The following CDK12 variants were observed in gnomAD, a reference collection of about 807,000 sequenced individuals.
CDK12 encodes cyclin-dependent kinase 12.
CDK12 carries 17 observed loss-of-function variants against 133.8 expected under a neutral mutation model. The observed-to-expected ratio is 0.13, with a 90% CI of 0.09 to 0.19. The LOEUF (loss-of-function observed/expected upper bound fraction) is 0.19, where lower values mean the gene tolerates loss of function less well. CDK12 is among the 10% of genes least tolerant of loss of function. The pLI, the probability that CDK12 is intolerant of heterozygous loss-of-function variation, is 1.00. For missense variants in CDK12, 1,508 were observed against 1,818.7 expected (o/e 0.83, Z 3.11); for synonymous variants, 694 against 683.6 (o/e 1.02, Z -0.24).
intron 1 of CDK12, among the ~76,000 whole-genome samples, chr17:39,463,818 A>T (rs1488620807): frequency 6.6e-6 from 1 of 151,894 alleles, no homozygotes; most frequent in Non-Finnish European, 1.5e-5. Flanking sequence ...CATAGTAATA[A>T]TGCCTTCTTT....
chr17:39,462,748 A>G lies in CDK12; in HGVS notation c.677A>G (p.Lys226Arg), dbSNP rs1047128975. Residue 226 changes from lysine (K) to arginine (R), a missense_variant, in exon 1 of 14, where the codon AAG becomes AGG. By Grantham distance (26) the Lys-to-Arg change is conservative. Around this residue, in one of 9 missense-constraint regions of CDK12, gnomAD observed 460 missense variants for 490.8 expected, o/e 0.94. Transcript: ENST00000447079. ...CGGAGATCCAGGAGCCCCCACAGGA[A>G]GTGGTCTGACAGCTCCAAACAAGAT... Reference protein sequence around the residue: ...PKRRSRSPHRKWSDSSKQDDS... With the variant: ...PKRRSRSPHRRWSDSSKQDDS... 1.2e-6 allele frequency: 2 copies of G among 1,614,222 alleles called. No individual in the cohort carries two copies. The highest frequency in any genetic ancestry group is 1.7e-5 in the Admixed American group (1 of 60,022).
chr17:39,466,615 G>GA (rs71147339), intron 1 of CDK12, among the ~76,000 whole-genome samples: 1 of 31,482 alleles, frequency 3.2e-5, no homozygotes, highest in Non-Finnish European at 6.0e-5. Context: ...AACTCTATCT[G>GA]AAAAAAAAAA....
intron 2 of CDK12, among the ~76,000 whole-genome samples, chr17:39,472,872 G>A (rs2049900377): frequency 6.6e-6 from 1 of 151,360 alleles, no homozygotes; most frequent in African/African-American, 2.4e-5. Context: ...TCAGGAGATC[G>A]AGACCATCCT....
intron 10 of CDK12, among the ~76,000 whole-genome samples, chr17:39,518,644 C>T (rs967243413): frequency 1.3e-5 from 2 of 151,684 alleles, no homozygotes; most frequent in African/African-American, 2.4e-5. Context: ...CCACAACCTT[C>T]GTCTCCCAGG....
At position 39,534,204 on chromosome 17, in the gene CDK12, G is replaced by T. The variant is rs2055026321; in HGVS notation, c.*2888G>T. 1 of 232,824 alleles carries T rather than the reference G, an allele frequency of 4.3e-6. No individual in the cohort carries two copies. The highest frequency in any genetic ancestry group is 1.8e-4 in the South Asian group (1 of 5,530). 14.4% of individuals were successfully genotyped at this position (232,824 alleles called of 1,614,324 possible). ...AAATCTATACGTTTAAAGCAGGGCA[G>T]TTAGCACAAATTTGCAAGTAGAACT... On this transcript the variant is annotated 3_prime_UTR_variant, in exon 14 of 14. Transcript: ENST00000447079.
At chr17:39,468,423 A>G (rs1032639755) in intron 1 of CDK12, among the ~76,000 whole-genome samples, 3 of 152,160 alleles carry the variant, frequency 2.0e-5, no homozygotes, top group African/African-American at 7.2e-5. Context: ...AATTTGTTTT[A>G]GACTACTGGG....
At chr17:39,493,087 G>C (rs2051767241) in intron 4 of CDK12, among the ~76,000 whole-genome samples, 197 bp downstream of exon 4, 1 of 151,570 alleles carries the variant, frequency 6.6e-6, no homozygotes, top group African/African-American at 2.4e-5. Flanking sequence ...CCGCCTCCTG[G>C]GTTCACACCA....
chr17:39,493,299 G>C (rs1248840123), intron 4 of CDK12, among the ~76,000 whole-genome samples: 1 of 151,162 alleles, frequency 6.6e-6, no homozygotes, highest in Non-Finnish European at 1.5e-5. Flanking sequence ...CACGGCGCCA[G>C]GCCTTTTTTT....
intron 1 of CDK12, among the ~76,000 whole-genome samples, chr17:39,466,936 G>C (rs1168280385): frequency 6.6e-6 from 1 of 151,536 alleles, no homozygotes; most frequent in African/African-American, 2.4e-5. Flanking sequence ...TTTTTTCCTT[G>C]GGAGACAGTC....
At chr17:39,505,485 A>G (rs2053048947) in intron 6 of CDK12, among the ~76,000 whole-genome samples, 1 of 140,974 alleles carries the variant, frequency 7.1e-6, no homozygotes. Flanking sequence ...AGATCGCACC[A>G]CTGCACTCCA....
intron 11 of CDK12, among the ~76,000 whole-genome samples, chr17:39,521,189 C>T (rs2054144588): frequency 6.6e-6 from 1 of 152,046 alleles, no homozygotes. Flanking sequence ...CCATGTTGGC[C>T]AGGCTGGTCT....
At chr17:39,504,879 C>CAAA (rs141083545) in intron 6 of CDK12, among the ~76,000 whole-genome samples, 4,257 of 42,460 alleles carry the variant, frequency 0.1, 694 homozygotes, top group African/African-American at 0.22. Flanking sequence ...GACCCTGTCT[C>CAAA]AAAAAAAAAA....
upstream of CDK12, chr17:39,546,750 T>G (rs2055725600): frequency 6.6e-6 from 1 of 152,210 alleles, no homozygotes; most frequent in African/African-American, 2.4e-5. Context: ...CCACCTTTCT[T>G]GCTTGCTGGT....
intron 12 of CDK12, among the ~76,000 whole-genome samples, chr17:39,525,135 G>T (rs953016202): frequency 2.6e-5 from 4 of 152,180 alleles, no homozygotes; most frequent in Non-Finnish European, 5.9e-5. Flanking sequence ...TCAATTAGAT[G>T]TGTGGCATAA....
intron 8 of CDK12, among the ~76,000 whole-genome samples, chr17:39,512,787 C>T (rs2053575489): frequency 6.6e-6 from 1 of 152,172 alleles, no homozygotes; most frequent in African/African-American, 2.4e-5. Context: ...AAAGTTAATT[C>T]TTTCATTTTA....
At chr17:39,487,009 A>C (rs2051187036) in intron 2 of CDK12, among the ~76,000 whole-genome samples, 1 of 152,106 alleles carries the variant, frequency 6.6e-6, no homozygotes, top group Non-Finnish European at 1.5e-5. Context: ...CTCCGTCTCA[A>C]AAAAAAAGAA....
rs1305634636 is a variant in CDK12, at chr17:39,533,969, T to C, written c.*2653T>C. 1 of 232,206 alleles carries C rather than the reference T, an allele frequency of 4.3e-6. No individual in the cohort carries two copies. Among genetic ancestry groups the C allele is most frequent in the African/African-American group, 2.2e-5 (1 of 45,290 alleles). 14.4% of individuals were successfully genotyped at this position (232,206 alleles called of 1,614,324 possible). On this transcript the variant is annotated 3_prime_UTR_variant, in exon 14 of 14. Coordinates refer to ENST00000447079, the MANE Select transcript of CDK12 (RefSeq NM_016507.4). ...TAATTCCATTCAAAAGTGGTTTTCG[T>C]TTTGTTTTAATTATTGTACAATGAG...
At chr17:39,529,041 C>T (rs1323838526) in intron 13 of CDK12, among the ~76,000 whole-genome samples, 1 of 152,112 alleles carries the variant, frequency 6.6e-6, no homozygotes. Context: ...AATTCATTTT[C>T]CCCTGCCACC....
At chr17:39,558,910 T>A (rs1457286603) in intron 3 of CDK12, among the ~76,000 whole-genome samples, 1 of 152,172 alleles carries the variant, frequency 6.6e-6, no homozygotes, top group Non-Finnish European at 1.5e-5. Context: ...TCCCAAAGTG[T>A]TGGGATTACA....
Sources: gnomAD v4.1 joint callset for allele counts (sites outside exome capture counted in the v4.1 genomes callset) on GRCh38, gnomAD v4.1.1 for gene constraint, gnomAD v4.1.1 regional missense constraint, MANE v1.5 for transcripts, NCBI Gene and HGNC (gene_info 2026-07-23, HGNC 2026-07-21) for gene names.